MOB1B: variants seen among roughly 807,000 people sequenced by gnomAD.
MOB1B encodes the protein MOB1 Mps One Binder homolog B.
Under a neutral mutation model 24.4 loss-of-function variants are expected in MOB1B, and 19 were observed. The ratio of observed to expected loss-of-function variants is 0.78; its 90% CI spans 0.54 to 1.14. The LOEUF (loss-of-function observed/expected upper bound fraction) is 1.14. Among genes scored for constraint, MOB1B ranks in the 50% most tolerant of loss-of-function variants. MOB1B has a pLI of 0.00. For missense variants in MOB1B, 243 were observed against 259.6 expected, an observed-to-expected ratio of 0.94 and a Z score of 0.44; for synonymous variants, 76 against 82.1, an observed-to-expected ratio of 0.93 and a Z score of 0.40.
intron 1 of MOB1B, among the ~76,000 whole-genome samples, chr4:70,902,818 A>T (rs1178985549): frequency 6.6e-6 from 1 of 151,980 alleles, no homozygotes; most frequent in African/African-American, 2.4e-5. Flanking sequence ...CAGCGCCTGG[A>T]TTCCTTCATC....
chr4:70,911,149 T>C (rs1178583961), intron 1 of MOB1B, among the ~76,000 whole-genome samples: 1 of 152,140 alleles, frequency 6.6e-6, no homozygotes, highest in Non-Finnish European at 1.5e-5. Flanking sequence ...TACAAATGGA[T>C]TTCCACCGTG....
intron 1 of MOB1B, among the ~76,000 whole-genome samples, chr4:70,926,792 C>T (rs1053565984): frequency 2.0e-5 from 3 of 151,306 alleles, no homozygotes; most frequent in East Asian, 2.0e-4. Context: ...GTCAGGAGAT[C>T]GAGACCATCC....
chr4:70,909,498 G>A (rs1358706619), intron 1 of MOB1B, among the ~76,000 whole-genome samples: 1 of 151,906 alleles, frequency 6.6e-6, no homozygotes, highest in Non-Finnish European at 1.5e-5. Flanking sequence ...GCAAGACCCT[G>A]CCTCTAAAAA....
intron 2 of MOB1B, among the ~76,000 whole-genome samples, chr4:70,968,129 C>T (rs1331659359): frequency 3.9e-5 from 6 of 152,188 alleles, no homozygotes; most frequent in African/African-American, 7.2e-5. Flanking sequence ...GGGTTACAGG[C>T]GTGAGCCATC....
intron 3 of MOB1B, among the ~76,000 whole-genome samples, chr4:70,973,469 CAAAA>C (rs528813623): frequency 1.0e-4 from 5 of 49,424 alleles, no homozygotes; most frequent in South Asian, 7.8e-4. Context: ...GACCCTGTCT[CAAAA>C]AAAAAAAAAA....
chr4:70,960,999 T>C (rs1334307436), intron 2 of MOB1B, among the ~76,000 whole-genome samples: 1 of 152,174 alleles, frequency 6.6e-6, no homozygotes, highest in Non-Finnish European at 1.5e-5. Context: ...TAGGGATACA[T>C]TCCAAGATGA....
intron 4 of MOB1B, among the ~76,000 whole-genome samples, chr4:70,977,987 CAGTACACTA>C (rs894741217): frequency 5.3e-5 from 8 of 152,216 alleles, no homozygotes; most frequent in African/African-American, 1.9e-4. Flanking sequence ...TGCCCAGCTT[CAGTACACTA>C]AGTACACTAT....
chr4:70,976,950 G>A (rs895751932), intron 4 of MOB1B, among the ~76,000 whole-genome samples: 3 of 151,714 alleles, frequency 2.0e-5, no homozygotes, highest in Non-Finnish European at 2.9e-5. Context: ...ATTCTTAGTC[G>A]TTAACATCTT....
rs1242595783 is a variant in MOB1B at position 70,988,142 on chromosome 4, GAATA to G, written c.*6090_*6093del. On this transcript the variant is annotated 3_prime_UTR_variant, in exon 6 of 6. Transcript: ENST00000309395. ...AACTCAATGTTTATAAGAAAAAAAT[GAATA>G]AATAGTTACGTTTGGCCATGAATCC... 6.6e-6 allele frequency: 1 copy of G among 151,800 alleles called. No individual in the cohort carries two copies. Among genetic ancestry groups the G allele is most frequent in the African/African-American group, 2.4e-5 (1 of 41,182 alleles). 9.4% of individuals were successfully genotyped at this position (151,800 alleles called of 1,614,324 possible). A position where few individuals can be genotyped will look rare whatever the true frequency, so the allele number is the denominator to read the frequency against.
intron 1 of MOB1B, among the ~76,000 whole-genome samples, chr4:70,943,288 C>T (rs1428422243): frequency 4.6e-5 from 7 of 152,146 alleles, no homozygotes; most frequent in Admixed American, 4.6e-4. Context: ...TTTACTAGTT[C>T]TGCTTTTTGC....
intron 3 of MOB1B, among the ~76,000 whole-genome samples, chr4:70,974,095 T>C (rs908783602): frequency 9.2e-5 from 14 of 152,192 alleles, no homozygotes; most frequent in African/African-American, 3.4e-4. Context: ...TTTTCCACTT[T>C]GGAGTTTCAC....
chr4:70,967,050 T>G (rs1417345158), intron 2 of MOB1B, among the ~76,000 whole-genome samples: 1 of 152,138 alleles, frequency 6.6e-6, no homozygotes, highest in Admixed American at 6.5e-5. Context: ...GCAGAATAGC[T>G]ATAACATTAT....
At chr4:70,947,455 G>A (rs577792087) in intron 1 of MOB1B, among the ~76,000 whole-genome samples, 6 of 151,552 alleles carry the variant, frequency 4.0e-5, no homozygotes, top group South Asian at 2.1e-4. Context: ...TTTCCCCCCC[G>A]CCAGAGATGG....
intron 1 of MOB1B, among the ~76,000 whole-genome samples, chr4:70,931,005 C>G (rs1736872257): frequency 7.1e-6 from 1 of 141,304 alleles, no homozygotes; most frequent in African/African-American, 2.7e-5. Flanking sequence ...TGTTTCTCTG[C>G]CTTGTGTCCC....
chr4:70,969,488 C>G (rs987550548), intron 2 of MOB1B, among the ~76,000 whole-genome samples: 1 of 152,096 alleles, frequency 6.6e-6, no homozygotes, highest in Admixed American at 6.6e-5. Flanking sequence ...TAAATCTTAG[C>G]CTTTTTAGGG....
In MOB1B at chr4:70,902,549, T is replaced by G. The variant is rs1237174047; in HGVS notation, c.13T>G (p.Phe5Val). Reference sequence around the variant, plus strand: ...CCCCGCGGCCAACATGAGCTTCTTGTTGTGAGTAGCCAGGCCCCGCACGCG... The same window carrying G: ...CCCCGCGGCCAACATGAGCTTCTTGGTGTGAGTAGCCAGGCCCCGCACGCG... The part of the protein sequence containing the change: MSFL[F>V]GSRSSKTFKP... The change falls in exon 1 of 6, where the codon TTT (phenylalanine) becomes GTT (valine). Residue 5 changes from phenylalanine to valine, a missense_variant and splice_region_variant. Phe to Val is a conservative substitution (Grantham distance 50). Coordinates refer to ENST00000309395, the MANE Select transcript of MOB1B (RefSeq NM_173468.4). 6.4e-7 allele frequency: 1 copy of G among 1,563,216 alleles called. No individual in the cohort carries two copies. Among genetic ancestry groups the G allele is most frequent in the South Asian group, 1.2e-5 (1 of 85,240 alleles).
chr4:70,906,903 G>A (rs929757909), intron 1 of MOB1B, among the ~76,000 whole-genome samples: 1 of 152,170 alleles, frequency 6.6e-6, no homozygotes, highest in Non-Finnish European at 1.5e-5. Context: ...ATGGTATATC[G>A]TCATCTATGA....
intron 4 of MOB1B, chr4:70,976,490 G>C: frequency 1.0e-6 from 1 of 984,956 alleles, no homozygotes; most frequent in Non-Finnish European, 1.2e-6. Flanking sequence ...TACTTTTAAG[G>C]GCAGACTTAT....
chr4:70,943,444 A>G (rs1243258039), intron 1 of MOB1B, among the ~76,000 whole-genome samples: 1 of 152,190 alleles, frequency 6.6e-6, no homozygotes, highest in Non-Finnish European at 1.5e-5. Flanking sequence ...ATAGTTAATC[A>G]TGTTTTCCAC....
Sources: allele counts gnomAD v4.1 joint callset (sites outside exome capture counted in the v4.1 genomes callset), GRCh38; gene constraint gnomAD v4.1.1; transcripts MANE v1.5; gene names NCBI Gene and HGNC (gene_info 2026-07-23, HGNC 2026-07-21).